The following ALDH1A2 variants were observed in gnomAD, a reference collection of about 807,000 sequenced individuals.
The protein encoded by ALDH1A2 is aldehyde dehydrogenase 1 family member A2.
Under a neutral mutation model 60.3 loss-of-function variants are expected in ALDH1A2, and 27 were observed. The ratio of observed to expected loss-of-function variants is 0.45; its 90% CI spans 0.33 to 0.62. ALDH1A2 has a LOEUF of 0.62. Ranked by LOEUF, ALDH1A2 falls within the 20% of genes least tolerant of loss-of-function variation. The pLI is 0.02. For missense variants in ALDH1A2, 581 were observed against 643.8 expected, an observed-to-expected ratio of 0.90 and a Z score of 1.06; for synonymous variants, 289 against 232.4, an observed-to-expected ratio of 1.24 and a Z score of -2.21.
At chr15:57,999,501 C>T (rs1895186800) in intron 4 of ALDH1A2, among the ~76,000 whole-genome samples, 1 of 151,934 alleles carries the variant, frequency 6.6e-6, no homozygotes, top group Admixed American at 6.6e-5. Context: ...CCATCTCACC[C>T]CACTCAGAAG....
chr15:58,058,618 A>C (rs1015057078), intron 1 of ALDH1A2, among the ~76,000 whole-genome samples: 1 of 152,248 alleles, frequency 6.6e-6, no homozygotes, highest in Middle Eastern at 3.4e-3. Context: ...AAGAGTTTTC[A>C]GATTCATGAT....
At chr15:57,975,011 A>C (rs1313631717) in intron 7 of ALDH1A2, among the ~76,000 whole-genome samples, 1 of 152,254 alleles carries the variant, frequency 6.6e-6, no homozygotes, top group African/African-American at 2.4e-5. Flanking sequence ...AACCACATTG[A>C]GACAATGCTA....
chr15:58,047,878 T>C (rs932137341), intron 1 of ALDH1A2, among the ~76,000 whole-genome samples: 7 of 152,058 alleles, frequency 4.6e-5, no homozygotes, highest in Non-Finnish European at 7.4e-5. Context: ...AGATGATTGA[T>C]TGCATTTTTC....
intron 7 of ALDH1A2, among the ~76,000 whole-genome samples, chr15:57,981,139 C>G (rs761773194): frequency 6.6e-6 from 1 of 151,994 alleles, no homozygotes; most frequent in Non-Finnish European, 1.5e-5. Flanking sequence ...AGTGGTCTAT[C>G]TTGTTTATCT....
intron 1 of ALDH1A2, among the ~76,000 whole-genome samples, chr15:58,032,789 A>AACACACACACACACACAC (rs59226967): frequency 2.7e-5 from 4 of 149,202 alleles, no homozygotes; most frequent in African/African-American, 9.8e-5. Context: ...AGTGCCCCTC[A>AACACACACACACACACAC]ACACACACAC....
intron 4 of ALDH1A2, 94 bp from the exon 5 acceptor site, chr15:57,995,233 A>AC (rs1566942254): frequency 6.7e-6 from 5 of 742,990 alleles, no homozygotes; most frequent in Admixed American, 4.9e-5. Flanking sequence ...AAAAAAAAAA[A>AC]AAACAAACAG....
At chr15:58,064,586 T>C (rs34972167) in intron 1 of ALDH1A2, among the ~76,000 whole-genome samples, 212 of 152,288 alleles carry the variant, frequency 1.4e-3, no homozygotes, top group African/African-American at 5.1e-3. Flanking sequence ...AAGTTGAGTG[T>C]AGAAATGTAC....
intron 7 of ALDH1A2, among the ~76,000 whole-genome samples, chr15:57,982,299 G>A (rs1437826225): frequency 1.3e-5 from 2 of 152,184 alleles, no homozygotes; most frequent in Non-Finnish European, 2.9e-5. Context: ...ATCCACTCAA[G>A]TATAATAGAT....
chr15:58,027,156 C>T (rs1349213002), intron 1 of ALDH1A2, among the ~76,000 whole-genome samples: 6 of 152,176 alleles, frequency 3.9e-5, no homozygotes, highest in South Asian at 2.1e-4. Context: ...CAGGCAGGTG[C>T]CCCTCTGAGA....
chr15:57,994,998 G>T, intron 5 of ALDH1A2, 80 bp downstream of exon 5: 1 of 1,330,874 alleles, frequency 7.5e-7, no homozygotes, highest in South Asian at 1.2e-5. Context: ...AACACACATC[G>T]CTGAGGACCA....
In ALDH1A2 at chr15:58,013,846, T is replaced by C. The variant is rs759323066; in HGVS notation, c.363+12A>G. On this transcript the variant is annotated intron_variant, in intron 3 of 12. Transcript: ENST00000249750. ...GTGGGTTAAAGACTTAATGTTTTCTTAGGTTACTTACTGCAAGAACTGCCC... is the reference window on the plus strand; with the variant it reads ...GTGGGTTAAAGACTTAATGTTTTCTCAGGTTACTTACTGCAAGAACTGCCC... 9.3e-6 allele frequency: 15 copies of C among 1,614,024 alleles called. No homozygotes were observed. The African/African-American group carries it at 1.9e-4, about 20-fold the overall frequency.
intron 1 of ALDH1A2, among the ~76,000 whole-genome samples, chr15:58,052,468 A>T (rs956077191): frequency 3.3e-5 from 5 of 151,614 alleles, no homozygotes; most frequent in African/African-American, 9.7e-5. Flanking sequence ...TTTATTTTTT[A>T]TTTTTTTTAT....
chr15:58,031,437 T>C (rs1011063873), intron 1 of ALDH1A2, among the ~76,000 whole-genome samples: 3 of 152,064 alleles, frequency 2.0e-5, no homozygotes, highest in Admixed American at 6.6e-5. Context: ...GGCAATACCA[T>C]TCAGGACATA....
Position 57,993,124 on chromosome 15 carries a change from C to G in ALDH1A2, c.556-51G>C, listed in dbSNP as rs768567649. On this transcript the variant is annotated intron_variant, in intron 5 of 12. Transcript: ENST00000249750. ...TAGATGGAAAAACATTCTTCCACTA[C>G]TTTGTTTTCAAGCTGTGACTTCTCA... 1.9e-6 allele frequency: 3 copies of G among 1,602,508 alleles called. No homozygotes were observed. In the East Asian group the frequency reaches 6.7e-5, roughly 36 times the overall value.
chr15:58,058,086 G>A, intron 1 of ALDH1A2: 14 of 1,533,466 alleles, frequency 9.1e-6, no homozygotes, highest in Non-Finnish European at 1.2e-5. Flanking sequence ...AAAGGATTCT[G>A]CCAGCAAGTC....
chr15:58,030,195 T>C (rs1896196005), intron 1 of ALDH1A2, among the ~76,000 whole-genome samples: 1 of 152,144 alleles, frequency 6.6e-6, no homozygotes, highest in African/African-American at 2.4e-5. Context: ...TCCAACACAA[T>C]CAAGTTGGCT....
chr15:57,983,904 G>T (rs1181567618), intron 7 of ALDH1A2, among the ~76,000 whole-genome samples: 1 of 152,142 alleles, frequency 6.6e-6, no homozygotes, highest in African/African-American at 2.4e-5. Context: ...AGTGTCAAAT[G>T]GAAACCCTGT....
chr15:58,005,822 G>A (rs532210674), intron 4 of ALDH1A2, among the ~76,000 whole-genome samples: 4 of 151,952 alleles, frequency 2.6e-5, no homozygotes, highest in Admixed American at 2.6e-4. Context: ...TAGGCAGGGA[G>A]ATCCCCACCT....
chr15:58,026,531 A>G (rs1439398046), intron 1 of ALDH1A2, among the ~76,000 whole-genome samples: 1 of 152,186 alleles, frequency 6.6e-6, no homozygotes, highest in Non-Finnish European at 1.5e-5. Flanking sequence ...CAGTGGGTGC[A>G]GCCCACAGAG....
Sources: allele counts gnomAD v4.1 joint callset (sites outside exome capture counted in the v4.1 genomes callset), GRCh38; gene constraint gnomAD v4.1.1; transcripts MANE v1.5; gene names NCBI Gene and HGNC (gene_info 2026-07-23, HGNC 2026-07-21).